Variants in PHTF1 observed in about 807,000 individuals in gnomAD.
PHTF1 encodes putative homeodomain transcription factor 1.
PHTF1 carries 88 observed loss-of-function variants against 102.4 expected under a neutral mutation model. The ratio of observed to expected loss-of-function variants is 0.86; its 90% CI spans 0.72 to 1.03. PHTF1 has a LOEUF of 1.03. Among genes scored for constraint, PHTF1 ranks in the 50% least tolerant of loss-of-function variants. The pLI, the probability that PHTF1 is intolerant of heterozygous loss-of-function variation, is 0.00. For synonymous variants in PHTF1, 289 were observed against 305.2 expected (o/e 0.95, Z 0.55); for missense variants, 814 against 909.5 (o/e 0.89, Z 1.35).
intron 5 of PHTF1, among the ~76,000 whole-genome samples, 193 bp downstream of exon 5, chr1:113,737,917 G>C (rs1407387810): frequency 6.6e-6 from 1 of 152,226 alleles, no homozygotes; most frequent in Non-Finnish European, 1.5e-5. Context: ...TGAGGAGAAA[G>C]AGTTACACAA....
At position 113,738,210 on chromosome 1, in the gene PHTF1, C is replaced by T. The variant is rs374989261; in HGVS notation, c.231G>A (p.Gly77=). 12 of 1,613,448 alleles carry T rather than the reference C, an allele frequency of 7.4e-6. No individual in the cohort carries two copies. Among genetic ancestry groups the T allele is most frequent in the African/African-American group, 1.3e-5 (1 of 75,036 alleles). ...ATGGAAAAAATACAACTCGAACAAG[C>T]CCCTTCCGAGTCAGAGATGTCCATG... The part of the protein sequence containing the change: ...EIPWTSLTRK[G]LVRVVFFPLF... Residue 77 remains glycine, a synonymous_variant, in exon 5 of 19, where the codon GGG becomes GGA. Coordinates refer to ENST00000369604, the MANE Select transcript of PHTF1 (RefSeq NM_001323043.2).
At chr1:113,737,609 GCAGCATGA>G (rs1206883973) in intron 5 of PHTF1, among the ~76,000 whole-genome samples, 1 of 152,086 alleles carries the variant, frequency 6.6e-6, no homozygotes, top group Non-Finnish European at 1.5e-5. Context: ...ACCAGCCTGG[GCAGCATGA>G]CAACATCTTG....
intron 4 of PHTF1, 47 bp from the exon 5 acceptor site, chr1:113,738,315 T>A (rs1655838512): frequency 1.4e-6 from 2 of 1,451,344 alleles, no homozygotes. Context: ...ATATACACTG[T>A]ATTGAAGGCC....
At chr1:113,719,073 T>G (rs775876611) in intron 7 of PHTF1, among the ~76,000 whole-genome samples, 2 of 152,210 alleles carry the variant, frequency 1.3e-5, no homozygotes, top group Non-Finnish European at 2.9e-5. Flanking sequence ...TGATCTCAGC[T>G]CACTGCAAAT....
chr1:113,726,803 ATGATAATTTAGATATTTCAAAAGGGTT>A (rs1653913123), intron 5 of PHTF1, among the ~76,000 whole-genome samples: 2 of 152,348 alleles, frequency 1.3e-5, no homozygotes, highest in South Asian at 4.1e-4. Context: ...TTCTAGCAGC[ATGATAATTTAGATATTTCAAAAGGGTT>A]TCCACCACAA....
rs1457669394 is a variant in PHTF1 at position 113,758,688 on chromosome 1, T to C, written c.16A>G (p.Arg6Gly). The change falls in exon 2 of 19, where the codon AGA (arginine) becomes GGA (glycine). Residue 6 changes from arginine to glycine, a missense_variant. Transcript: ENST00000369604. MASNE[R>G]DAISWYQKKI... The stretch of plus-strand genomic sequence containing the variant: ...TTTTGGTACCACGATATAGCATCTC[T>C]CTCATTTGAGGCCATCTGTGTCTCC... 2 of 1,610,096 alleles carry C rather than the reference T, an allele frequency of 1.2e-6. No individual in the cohort carries two copies. Among genetic ancestry groups the C allele is most frequent in the Admixed American group, 1.7e-5 (1 of 59,768 alleles).
At chr1:113,730,511 G>A (rs2101513228) in intron 5 of PHTF1, among the ~76,000 whole-genome samples, 1 of 152,240 alleles carries the variant, frequency 6.6e-6, no homozygotes, top group East Asian at 1.9e-4. Context: ...TATGTGAAAG[G>A]AGAAAACCAA....
intron 8 of PHTF1, among the ~76,000 whole-genome samples, chr1:113,712,787 T>A (rs1353943132): frequency 7.0e-5 from 2 of 28,574 alleles, no homozygotes; most frequent in Non-Finnish European, 1.9e-4. Flanking sequence ...TCACAAAATT[T>A]TTTTTTTTTT....
chr1:113,753,304 G>T (rs1270632910), intron 3 of PHTF1, among the ~76,000 whole-genome samples: 1 of 152,146 alleles, frequency 6.6e-6, no homozygotes, highest in Admixed American at 6.5e-5. Context: ...TCTATTTTCT[G>T]AAAAAGTTTG....
intron 7 of PHTF1, among the ~76,000 whole-genome samples, chr1:113,715,917 G>A (rs1455938907): frequency 6.6e-6 from 1 of 151,358 alleles, no homozygotes; most frequent in African/African-American, 2.4e-5. Flanking sequence ...AAGACACAGA[G>A]GAGACAAAAG....
rs1479280610 is a variant in PHTF1 at position 113,740,985 on chromosome 1, C to T, written c.103-2186G>A. On this transcript the variant is annotated intron_variant, in intron 3 of 18. Coordinates refer to ENST00000369604, the MANE Select transcript of PHTF1 (RefSeq NM_001323043.2). Reference sequence around the variant, plus strand: ...CATGGAGGTTGCAGTGAGCTGAGATCACACCACTACACTCTAATCTGGGTG... The same window carrying T: ...CATGGAGGTTGCAGTGAGCTGAGATTACACCACTACACTCTAATCTGGGTG... 5.9e-5 allele frequency among the ~76,000 whole-genome samples: 9 copies of T among 152,108 alleles called. No homozygotes were observed. The East Asian group carries it at 1.7e-3, about 29-fold the overall frequency.
At chr1:113,719,924 G>A (rs932895612) in intron 7 of PHTF1, among the ~76,000 whole-genome samples, 3 of 152,162 alleles carry the variant, frequency 2.0e-5, no homozygotes, top group Admixed American at 1.3e-4. Context: ...GAGGTGAAAG[G>A]CACTTCTTAG....
At chr1:113,728,801 T>C (rs1230637) in intron 5 of PHTF1, among the ~76,000 whole-genome samples, 122,948 of 152,158 alleles carry the variant, frequency 0.81, 50,694 homozygotes, top group African/African-American at 0.96. Flanking sequence ...CCCAGCTACT[T>C]GGGAGGCTGA....
At chr1:113,736,516 G>A (rs573355314) in intron 5 of PHTF1, among the ~76,000 whole-genome samples, 119 of 151,898 alleles carry the variant, frequency 7.8e-4, no homozygotes, top group African/African-American at 2.6e-3. Context: ...AGGCTGAGGC[G>A]GGTGGATCAC....
chr1:113,752,652 G>A (rs1429047650), intron 3 of PHTF1, among the ~76,000 whole-genome samples: 1 of 152,042 alleles, frequency 6.6e-6, no homozygotes, highest in African/African-American at 2.4e-5. Flanking sequence ...CCAAAGTGCT[G>A]GGATTACAGG....
intron 7 of PHTF1, among the ~76,000 whole-genome samples, chr1:113,717,577 ATT>A: frequency 6.6e-6 from 1 of 152,306 alleles, no homozygotes; most frequent in Non-Finnish European, 1.5e-5. Flanking sequence ...GTATTAGTTC[ATT>A]TTCATGCTGC....
In PHTF1 at chr1:113,738,741, TC is replaced by T; in HGVS notation, c.160del (p.Asp54ThrfsTer2). The T allele has an allele frequency of 6.3e-7, 1 of 1,596,224 alleles. No homozygotes were observed. Among genetic ancestry groups the T allele is most frequent in the South Asian group, 1.1e-5 (1 of 87,678 alleles). ...GHIKPDLIDV[D>X]LIRGSTFAKA... is the part of the protein sequence containing the mutation. ...ATTTTAAGACTAACCTCTGATTAAG[TC>T]AACGTCAATCAAGTCTGGCTTTATG... On this transcript the variant is annotated frameshift_variant, in exon 4 of 19. Coordinates refer to ENST00000369604, the MANE Select transcript of PHTF1 (RefSeq NM_001323043.2). LOFTEE classifies it high-confidence loss of function.
At chr1:113,747,733 C>G (rs1657450267) in intron 3 of PHTF1, among the ~76,000 whole-genome samples, 1 of 152,196 alleles carries the variant, frequency 6.6e-6, no homozygotes, top group Non-Finnish European at 1.5e-5. Context: ...CATAAAACTT[C>G]AGGTTGAAAA....
intron 1 of PHTF1, 49 bp downstream of exon 1, chr1:113,758,974 G>T: frequency 9.0e-7 from 1 of 1,110,502 alleles, no homozygotes; most frequent in Admixed American, 5.0e-5. Context: ...GGCCGCCGCT[G>T]GAGTCGCCCG....
Sources: gnomAD v4.1 joint callset for allele counts (sites outside exome capture counted in the v4.1 genomes callset) on GRCh38, gnomAD v4.1.1 for gene constraint, MANE v1.5 for transcripts, NCBI Gene and HGNC (gene_info 2026-07-23, HGNC 2026-07-21) for gene names.